TMCC3: variants seen among roughly 807,000 people sequenced by gnomAD.
TMCC3 encodes transmembrane and coiled-coil domain protein 3.
A neutral mutation model predicts 40.2 loss-of-function variants in TMCC3; 28 were observed. That is an observed-to-expected ratio of 0.70 (90% confidence interval 0.52 to 0.95). TMCC3 has a LOEUF of 0.95. Ranked by LOEUF, TMCC3 falls within the 40% of genes least tolerant of loss-of-function variation. The pLI is 0.00. For missense variants in TMCC3, 554 were observed against 615.2 expected, an observed-to-expected ratio of 0.90 and a Z score of 1.05; for synonymous variants, 255 against 248.5, an observed-to-expected ratio of 1.03 and a Z score of -0.25.
At chr12:94,628,216 A>G (rs1056019817) in intron 1 of TMCC3, among the ~76,000 whole-genome samples, 2 of 152,160 alleles carry the variant, frequency 1.3e-5, no homozygotes, top group South Asian at 2.1e-4. Context: ...ACTAACCTCA[A>G]TGCTACTCAA....
chr12:94,572,146 C>T lies in TMCC3; in HGVS notation c.1132-409G>A, dbSNP rs140049569. On this transcript the variant is annotated intron_variant, in intron 3 of 3. Transcript: ENST00000261226. ...CCCCAAGTAGCTGGGACTACAGGTG[C>T]GCACCACCATGTCTGGCTAATTTTT... is the stretch of plus-strand genomic sequence containing the variant. Among the ~76,000 whole-genome samples the T allele has an allele frequency of 3.6e-3, 545 of 151,770 alleles. 5 individuals are homozygous for T. The highest frequency in any genetic ancestry group is 0.012 in the African/African-American group (503 of 41,374).
At chr12:94,593,624 TG>T (rs201619988) in intron 1 of TMCC3, among the ~76,000 whole-genome samples, 1 of 151,920 alleles carries the variant, frequency 6.6e-6, no homozygotes, top group East Asian at 1.9e-4. Flanking sequence ...GATTAGGCAG[TG>T]TTTAAGATTC....
chr12:94,592,870 A>G (rs1259405308), intron 1 of TMCC3, among the ~76,000 whole-genome samples: 1 of 151,818 alleles, frequency 6.6e-6, no homozygotes, highest in Non-Finnish European at 1.5e-5. Flanking sequence ...AGCATCCTCA[A>G]GCACTCACAA....
At chr12:94,643,629 T>C (rs879647485) in intron 1 of TMCC3, among the ~76,000 whole-genome samples, 2 of 152,248 alleles carry the variant, frequency 1.3e-5, no homozygotes, top group Non-Finnish European at 2.9e-5. Flanking sequence ...TTCTGTATCA[T>C]TCATTCACAT....
chr12:94,571,778 A>G (rs776057212), intron 3 of TMCC3, 41 bp from the exon 4 acceptor site: 6 of 1,600,296 alleles, frequency 3.7e-6, no homozygotes, highest in Non-Finnish European at 5.1e-6. Context: ...CGGTGTTGGG[A>G]TGGTGAGCAA....
intron 1 of TMCC3, among the ~76,000 whole-genome samples, chr12:94,598,049 AG>A (rs1423473738): frequency 7.9e-5 from 12 of 152,216 alleles, no homozygotes; most frequent in Admixed American, 5.9e-4. Context: ...CAAGTTTATC[AG>A]AAAAGAGAAG....
At chr12:94,581,379 T>G (rs546934899) in intron 2 of TMCC3, among the ~76,000 whole-genome samples, 12 of 152,296 alleles carry the variant, frequency 7.9e-5, no homozygotes, top group Admixed American at 1.3e-4. Flanking sequence ...TAGGGATGTA[T>G]TGATTGCTAA....
chr12:94,643,421 G>A (rs1020579386), intron 1 of TMCC3, among the ~76,000 whole-genome samples: 1 of 152,152 alleles, frequency 6.6e-6, no homozygotes, highest in African/African-American at 2.4e-5. Flanking sequence ...ACGTTTGCAG[G>A]CATGTCTTGA....
chr12:94,598,505 A>G (rs181043310), intron 1 of TMCC3: 4 of 869,288 alleles, frequency 4.6e-6, no homozygotes, highest in Non-Finnish European at 5.5e-6. Context: ...TAAGTTCTCA[A>G]TTTTGGCATT....
intron 1 of TMCC3, among the ~76,000 whole-genome samples, chr12:94,603,230 G>A (rs1336942159): frequency 6.6e-6 from 1 of 152,066 alleles, no homozygotes; most frequent in Non-Finnish European, 1.5e-5. Flanking sequence ...GATTACAGAC[G>A]TGCACCACCA....
chr12:94,597,429 A>G (rs1272096022), intron 1 of TMCC3, among the ~76,000 whole-genome samples: 1 of 152,136 alleles, frequency 6.6e-6, no homozygotes, highest in East Asian at 1.9e-4. Context: ...TGTGGCAGAC[A>G]ACTCAGGTGC....
intron 1 of TMCC3, 40 bp from the exon 2 acceptor site, chr12:94,582,578 C>A: frequency 6.6e-7 from 1 of 1,512,862 alleles, no homozygotes; most frequent in South Asian, 1.3e-5. Context: ...AATTTGAAGT[C>A]AAAGAGATAA....
chr12:94,639,943 T>C (rs1448444487), intron 1 of TMCC3, among the ~76,000 whole-genome samples: 1 of 152,074 alleles, frequency 6.6e-6, no homozygotes. Context: ...TTCTAGACCA[T>C]GGGTCTAAAG....
At chr12:94,615,899 C>T (rs550687004) in intron 1 of TMCC3, 38 of 983,796 alleles carry the variant, frequency 3.9e-5, no homozygotes, top group African/African-American at 3.1e-4. Flanking sequence ...CTGGCTGAAA[C>T]GGAAGAGTTG....
At position 94,582,553 on chromosome 12, in the gene TMCC3, A is replaced by C. The variant is rs772993109; in HGVS notation, c.79-15T>G. On this transcript the variant is annotated splice_polypyrimidine_tract_variant and intron_variant, in intron 1 of 3. Transcript: ENST00000261226. ...TGACGTTCTACCTGAAAGAGACAGG[A>C]AAGAAGCACATTAAAATTTGAAGTC... The C allele has an allele frequency of 1.3e-6, 2 of 1,561,852 alleles. No individual in the cohort carries two copies. The highest frequency in any genetic ancestry group is 2.4e-5 in the South Asian group (2 of 83,138).
In TMCC3 at chr12:94,597,168, T is replaced by TATATATATATATATA. The variant is rs1555283339; in HGVS notation, c.79-14631_79-14630insTATATATATATATAT. Reference sequence around the variant, plus strand: ...ATATATATATATATATGTATATAAATTAGCCAGGCCTGCTGGCGTGCCTGT... The same window carrying TATATATATATATATA: ...ATATATATATATATATGTATATAAATATATATATATATATATAGCCAGGCCTGCTGGCGTGCCTGT... On this transcript the variant is annotated intron_variant, in intron 1 of 3. Coordinates refer to ENST00000261226, the MANE Select transcript of TMCC3 (RefSeq NM_020698.4). Among the ~76,000 whole-genome samples the TATATATATATATATA allele has an allele frequency of 1.5e-4, 18 of 121,822 alleles. 1 individual carries two copies. The highest frequency in any genetic ancestry group is 2.5e-4 in the African/African-American group (8 of 32,300). The allele number at this position is 121,822 out of a possible 152,430, so 79.9% of individuals were successfully genotyped here.
rs1331868505 is a variant in TMCC3 at position 94,607,059 on chromosome 12, TC to T, written c.79-24522del. Among the ~76,000 whole-genome samples the T allele has an allele frequency of 2.0e-5, 3 of 152,096 alleles. No individual in the cohort carries two copies. The East Asian group carries it at 5.8e-4, about 29-fold the overall frequency. On this transcript the variant is annotated intron_variant, in intron 1 of 3. Transcript: ENST00000261226. ...CTCCCAGAGTGGCCGTTTACAGACC[TC>T]CCCCCAGGAATGCATTCCTTCCGCA...
Position 94,641,915 on chromosome 12 carries a change from A to AAT in TMCC3, c.78+8436_78+8437dup, listed in dbSNP as rs553907622. ...GAAGACACTAAGAGGAACCACAAAA[A>AAT]ATATATATATATTTATATATATATT... On this transcript the variant is annotated intron_variant, in intron 1 of 3. Coordinates refer to ENST00000261226, the MANE Select transcript of TMCC3 (RefSeq NM_020698.4). Among the ~76,000 whole-genome samples the AAT allele has an allele frequency of 2.5e-3, 375 of 150,792 alleles. 2 individuals are homozygous for AAT. Among genetic ancestry groups the AAT allele is most frequent in the African/African-American group, 8.5e-3 (351 of 41,126 alleles).
chr12:94,571,304 T>C lies in TMCC3; in HGVS notation c.*131A>G. 1 of 920,734 alleles carries C rather than the reference T, an allele frequency of 1.1e-6. No homozygotes were observed. Among genetic ancestry groups the C allele is most frequent in the Non-Finnish European group, 1.6e-6 (1 of 618,184 alleles). 57.0% of individuals were successfully genotyped at this position (920,734 alleles called of 1,614,324 possible). A position where few individuals can be genotyped will look rare whatever the true frequency, so the allele number is the denominator to read the frequency against. ...TACGGAGTTAAGAGAATTGTAGTTA[T>C]TTACACCACACAGTCCTAGTTTTTC... is the stretch of plus-strand genomic sequence containing the variant. On this transcript the variant is annotated 3_prime_UTR_variant, in exon 4 of 4. Transcript: ENST00000261226.
Sources: allele counts gnomAD v4.1 joint callset (sites outside exome capture counted in the v4.1 genomes callset), GRCh38; gene constraint gnomAD v4.1.1; transcripts MANE v1.5; gene names NCBI Gene and HGNC (gene_info 2026-07-23, HGNC 2026-07-21).